ZBTB20: variants seen among roughly 807,000 people sequenced by gnomAD.
ZBTB20 encodes the protein zinc finger and BTB domain containing 20.
A neutral mutation model predicts 56.9 loss-of-function variants in ZBTB20; 9 were observed. The ratio of observed to expected loss-of-function variants is 0.16; its 90% CI spans 0.10 to 0.28. The LOEUF is 0.28. Ranked by LOEUF, ZBTB20 falls within the 10% of genes least tolerant of loss-of-function variation. The pLI is 1.00. For missense variants in ZBTB20, 655 were observed against 1,003.0 expected (o/e 0.65, Z 4.69); for synonymous variants, 417 against 420.7 (o/e 0.99, Z 0.11).
intron 7 of ZBTB20, among the ~76,000 whole-genome samples, chr3:114,458,196 T>C (rs1465530842): frequency 2.6e-5 from 4 of 152,180 alleles, no homozygotes; most frequent in African/African-American, 4.8e-5. Context: ...GGGTTATTAA[T>C]TGGCTTAATT....
intron 6 of ZBTB20, among the ~76,000 whole-genome samples, chr3:114,569,814 C>T (rs60918763): frequency 0.094 from 14,204 of 151,558 alleles, 782 homozygotes; most frequent in African/African-American, 0.14. Context: ...AAGGACAGGA[C>T]TGAACAGGGC....
chr3:114,519,911 A>C (rs937574724), intron 6 of ZBTB20: 2 of 152,158 alleles, frequency 1.3e-5, no homozygotes, highest in African/African-American at 4.8e-5. Flanking sequence ...CAGACAGAAC[A>C]GACACAAGAT....
At chr3:114,486,995 A>C (rs2042219094) in intron 7 of ZBTB20, among the ~76,000 whole-genome samples, 1 of 152,178 alleles carries the variant, frequency 6.6e-6, no homozygotes, top group Non-Finnish European at 1.5e-5. Flanking sequence ...AAAACTCTTA[A>C]TTTTATCACT....
At chr3:115,057,387 G>C in intron 2 of ZBTB20, among the ~76,000 whole-genome samples, 1 of 151,688 alleles carries the variant, frequency 6.6e-6, no homozygotes, top group Non-Finnish European at 1.5e-5. Context: ...TTTACAATAT[G>C]TAACTTTTAA....
At chr3:114,790,278 A>T (rs1164966330) in intron 5 of ZBTB20, among the ~76,000 whole-genome samples, 1 of 152,176 alleles carries the variant, frequency 6.6e-6, no homozygotes, top group Non-Finnish European at 1.5e-5. Flanking sequence ...TGGTGAAACA[A>T]TAAAAGCTAT....
At chr3:114,841,151 A>G (rs1183269618) in intron 4 of ZBTB20, among the ~76,000 whole-genome samples, 1 of 152,224 alleles carries the variant, frequency 6.6e-6, no homozygotes, top group African/African-American at 2.4e-5. Context: ...CAATGATAAT[A>G]AAGTGCACAT....
intron 6 of ZBTB20, among the ~76,000 whole-genome samples, chr3:114,634,474 T>G (rs1302226262): frequency 3.3e-5 from 5 of 152,160 alleles, no homozygotes; most frequent in African/African-American, 1.2e-4. Context: ...ATGGCATATT[T>G]TTTTCAAGTA....
In ZBTB20 at chr3:114,753,213, T is replaced by C. The variant is rs184441520; in HGVS notation, c.-343+47888A>G. 8.7e-5 allele frequency among the ~76,000 whole-genome samples: 13 copies of C among 149,034 alleles called. No individual in the cohort carries two copies. The East Asian group carries it at 2.3e-3, about 27-fold the overall frequency. On this transcript the variant is annotated intron_variant, in intron 5 of 11. Coordinates refer to ENST00000675478, the MANE Select transcript of ZBTB20 (RefSeq NM_001348800.3). ...GAGGCAATTTCTAAAAAATGAAGCATATTTTTTATATATATAATGTATATA... is the reference window on the plus strand; with the variant it reads ...GAGGCAATTTCTAAAAAATGAAGCACATTTTTTATATATATAATGTATATA...
chr3:114,456,643 A>T (rs2092039733), intron 7 of ZBTB20, among the ~76,000 whole-genome samples: 1 of 152,198 alleles, frequency 6.6e-6, no homozygotes, highest in Non-Finnish European at 1.5e-5. Flanking sequence ...TTTTCCGCCC[A>T]TGAAAGTGAT....
chr3:114,398,860 A>G (rs2086564768), intron 7 of ZBTB20, among the ~76,000 whole-genome samples: 1 of 152,184 alleles, frequency 6.6e-6, no homozygotes, highest in African/African-American at 2.4e-5. Flanking sequence ...GTCACATTCC[A>G]AATTCTATCT....
intron 2 of ZBTB20, among the ~76,000 whole-genome samples, chr3:115,026,284 T>G (rs1346360276): frequency 6.6e-6 from 1 of 151,052 alleles, no homozygotes; most frequent in Non-Finnish European, 1.5e-5. Flanking sequence ...CTGTGCTTAC[T>G]GACAATCTGT....
rs2081057109 is a variant in ZBTB20 at position 114,354,743 on chromosome 3, G to A, written c.200-2865C>T. Among the ~76,000 whole-genome samples the A allele has an allele frequency of 2.0e-5, 3 of 151,806 alleles. No individual in the cohort carries two copies. The South Asian group carries it at 6.2e-4, about 32-fold the overall frequency. On this transcript the variant is annotated intron_variant, in intron 10 of 11. Transcript: ENST00000675478. ...ATTACAGGCATGCACCACCACACCT[G>A]GCTAATTTTTGTATTTTTAGTAGAT... is the stretch of plus-strand genomic sequence containing the variant.
chr3:114,820,495 T>G (rs1297098702), intron 4 of ZBTB20, among the ~76,000 whole-genome samples: 1 of 152,108 alleles, frequency 6.6e-6, no homozygotes. Context: ...GTCAAGTGAT[T>G]TAAATTTATT....
chr3:114,800,609 C>T (rs1470584077), intron 5 of ZBTB20, among the ~76,000 whole-genome samples: 1 of 151,844 alleles, frequency 6.6e-6, no homozygotes, highest in Non-Finnish European at 1.5e-5. Context: ...CTCAAGGCAA[C>T]AGAATCTTGT....
chr3:114,629,631 T>C (rs2058831614), intron 6 of ZBTB20, among the ~76,000 whole-genome samples: 2 of 152,156 alleles, frequency 1.3e-5, no homozygotes, highest in African/African-American at 4.8e-5. Flanking sequence ...ATAAGGCACA[T>C]TGTACCAATA....
intron 6 of ZBTB20, among the ~76,000 whole-genome samples, chr3:114,639,870 G>A (rs1211765713): frequency 6.6e-6 from 1 of 151,972 alleles, no homozygotes; most frequent in Non-Finnish European, 1.5e-5. Flanking sequence ...ATGGCACATA[G>A]CAATAGGTTC....
intron 6 of ZBTB20, among the ~76,000 whole-genome samples, chr3:114,511,226 G>A (rs929986629): frequency 6.6e-6 from 1 of 151,840 alleles, no homozygotes; most frequent in African/African-American, 2.4e-5. Flanking sequence ...GAATCTCATT[G>A]GATAAATCAT....
chr3:114,459,949 C>T (rs984204297), intron 7 of ZBTB20, among the ~76,000 whole-genome samples: 2 of 151,712 alleles, frequency 1.3e-5, no homozygotes, highest in Non-Finnish European at 2.9e-5. Flanking sequence ...TTAGGAACAG[C>T]CTGACAGATT....
At chr3:114,849,121 T>A (rs1579146665) in intron 4 of ZBTB20, among the ~76,000 whole-genome samples, 1 of 152,106 alleles carries the variant, frequency 6.6e-6, no homozygotes, top group Middle Eastern at 3.2e-3. Flanking sequence ...ATTGAGAGAG[T>A]CCCTGGTTCC....
Sources: allele counts gnomAD v4.1 joint callset (sites outside exome capture counted in the v4.1 genomes callset), GRCh38; gene constraint gnomAD v4.1.1; transcripts MANE v1.5; gene names NCBI Gene and HGNC (gene_info 2026-07-23, HGNC 2026-07-21).